Variants in SPOCK3 observed in about 807,000 individuals in gnomAD.
SPOCK3 encodes SPARC (osteonectin), cwcv and kazal like domains proteoglycan 3.
A neutral mutation model predicts 56.6 loss-of-function variants in SPOCK3; 30 were observed. That is an observed-to-expected ratio of 0.53 (90% confidence interval 0.40 to 0.72). The LOEUF is 0.72. Ranked by LOEUF, SPOCK3 falls within the 30% of genes least tolerant of loss-of-function variation. The probability of loss-of-function intolerance (pLI) is 0.00; values close to 1 mark genes in which losing one functional copy is unlikely to be tolerated. For synonymous variants in SPOCK3, 196 were observed against 183.3 expected (o/e 1.07, Z -0.56); for missense variants, 527 against 530.0 (o/e 0.99, Z 0.06).
intron 6 of SPOCK3, among the ~76,000 whole-genome samples, chr4:166,830,597 A>G (rs1459244110): frequency 6.6e-6 from 1 of 152,088 alleles, no homozygotes; most frequent in African/African-American, 2.4e-5. Flanking sequence ...TACAAAAATT[A>G]GTGGCATATG....
intron 4 of SPOCK3, among the ~76,000 whole-genome samples, chr4:166,992,430 AT>A (rs1484895278): frequency 6.6e-6 from 1 of 152,214 alleles, no homozygotes; most frequent in Non-Finnish European, 1.5e-5. Context: ...TTCTTTCAAA[AT>A]AATAAAGCAA....
At chr4:166,748,851 C>G (rs7671716) in intron 8 of SPOCK3, among the ~76,000 whole-genome samples, 1 of 135,952 alleles carries the variant, frequency 7.4e-6, no homozygotes, top group Non-Finnish European at 1.6e-5. Flanking sequence ...ATTTTTCAAA[C>G]GAAGTCATTT....
intron 4 of SPOCK3, among the ~76,000 whole-genome samples, chr4:166,927,543 C>A (rs1300097733): frequency 2.0e-5 from 3 of 152,066 alleles, no homozygotes; most frequent in Non-Finnish European, 4.4e-5. Context: ...ATGAATACAC[C>A]CATAAAGTTG....
chr4:166,886,187 T>G (rs1357583484), intron 6 of SPOCK3, among the ~76,000 whole-genome samples: 2 of 152,100 alleles, frequency 1.3e-5, no homozygotes, highest in East Asian at 3.9e-4. Flanking sequence ...CATAAAAATA[T>G]TAGAGGCCTC....
At chr4:167,009,128 A>C (rs1380841297) in intron 3 of SPOCK3, among the ~76,000 whole-genome samples, 1 of 152,162 alleles carries the variant, frequency 6.6e-6, no homozygotes, top group African/African-American at 2.4e-5. Context: ...TGTCTGTCCC[A>C]TATCCAGAAA....
At chr4:166,846,327 C>A (rs1748059518) in intron 6 of SPOCK3, among the ~76,000 whole-genome samples, 1 of 151,976 alleles carries the variant, frequency 6.6e-6, no homozygotes, top group African/African-American at 2.4e-5. Flanking sequence ...GTGACAGATT[C>A]ATATTTGTTC....
At chr4:167,116,060 C>A (rs1761300103) in intron 2 of SPOCK3, among the ~76,000 whole-genome samples, 1 of 151,600 alleles carries the variant, frequency 6.6e-6, no homozygotes, top group Non-Finnish European at 1.5e-5. Flanking sequence ...TATGTGGTAA[C>A]CTAAATAAAT....
intron 7 of SPOCK3, among the ~76,000 whole-genome samples, chr4:166,764,381 C>T (rs1737686270): frequency 6.6e-6 from 1 of 152,058 alleles, no homozygotes; most frequent in African/African-American, 2.4e-5. Flanking sequence ...TGATGCTCCC[C>T]TTCCTGTGTC....
chr4:167,077,575 T>C (rs1223611937), intron 2 of SPOCK3, among the ~76,000 whole-genome samples: 2 of 151,876 alleles, frequency 1.3e-5, no homozygotes, highest in African/African-American at 4.8e-5. Context: ...ATCTAAGACA[T>C]AAAATTCTGC....
chr4:166,977,014 AAGGCAG>A (rs1746024185), intron 4 of SPOCK3, among the ~76,000 whole-genome samples: 1 of 152,042 alleles, frequency 6.6e-6, no homozygotes, highest in Non-Finnish European at 1.5e-5. Context: ...TGGTTAATAA[AAGGCAG>A]AGCAAAAATT....
intron 6 of SPOCK3, among the ~76,000 whole-genome samples, chr4:166,869,084 A>T (rs1732181396): frequency 6.7e-6 from 1 of 150,012 alleles, no homozygotes; most frequent in Admixed American, 6.7e-5. Flanking sequence ...AGCTGCTCCC[A>T]GGCTAATGGA....
intron 3 of SPOCK3, among the ~76,000 whole-genome samples, chr4:167,038,663 CA>C (rs558863795): frequency 0.35 from 37,213 of 105,742 alleles, 5,102 homozygotes; most frequent in East Asian, 0.64. Flanking sequence ...TTATTTTTTC[CA>C]AAAAAAAAAA....
At chr4:166,866,021 C>A (rs1731795280) in intron 6 of SPOCK3, among the ~76,000 whole-genome samples, 1 of 152,116 alleles carries the variant, frequency 6.6e-6, no homozygotes, top group Admixed American at 6.6e-5. Context: ...TGCTACCTGA[C>A]TTCACAGAAT....
intron 2 of SPOCK3, among the ~76,000 whole-genome samples, chr4:167,149,660 C>G (rs567985361): frequency 1.3e-5 from 2 of 152,132 alleles, no homozygotes; most frequent in African/African-American, 4.8e-5. Context: ...ATGGCTATTA[C>G]TATTGCATGA....
chr4:166,914,253 T>C (rs1366073505), intron 4 of SPOCK3, among the ~76,000 whole-genome samples: 1 of 152,056 alleles, frequency 6.6e-6, no homozygotes, highest in Non-Finnish European at 1.5e-5. Context: ...AAATAAGACG[T>C]ATATGTCCTT....
At chr4:166,928,058 C>T (rs1004788326) in intron 4 of SPOCK3, among the ~76,000 whole-genome samples, 2 of 152,152 alleles carry the variant, frequency 1.3e-5, no homozygotes, top group African/African-American at 4.8e-5. Context: ...ATGGCCAAAA[C>T]TCAGAACGCT....
chr4:167,017,917 T>C (rs1750789129), intron 3 of SPOCK3, among the ~76,000 whole-genome samples: 1 of 152,104 alleles, frequency 6.6e-6, no homozygotes, highest in Admixed American at 6.6e-5. Flanking sequence ...ATTGAATTAT[T>C]TTATTCAATT....
In SPOCK3 at chr4:167,165,851, A is replaced by G. The variant is rs200632516; in HGVS notation, c.189+68134T>C. On this transcript the variant is annotated intron_variant, in intron 2 of 10. Transcript: ENST00000357545. ...TCAAGAAAAATCCAAATGTAAATTG[A>G]TAGATATGACATCACCCTGAGAGGA... Among the ~76,000 whole-genome samples, 7 of 152,184 alleles carry G rather than the reference A, an allele frequency of 4.6e-5. No individual in the cohort carries two copies. The East Asian group carries it at 7.7e-4, about 17-fold the overall frequency.
intron 2 of SPOCK3, among the ~76,000 whole-genome samples, chr4:167,078,335 T>C (rs1306696160): frequency 1.0e-4 from 14 of 137,040 alleles, no homozygotes; most frequent in African/African-American, 1.7e-4. Context: ...TGTGTGTGTG[T>C]GTGTGTGTGT....
Sources: gnomAD v4.1 joint callset for allele counts (sites outside exome capture counted in the v4.1 genomes callset) on GRCh38, gnomAD v4.1.1 for gene constraint, MANE v1.5 for transcripts, NCBI Gene and HGNC (gene_info 2026-07-23, HGNC 2026-07-21) for gene names.